Variants in RBFOX2 observed in about 807,000 individuals in gnomAD.
RBFOX2 encodes the protein RNA binding fox-1 homolog 2, also known as RNA binding protein fox-1 homolog 2.
In RBFOX2, 10 loss-of-function variants were observed where a neutral mutation model predicts 49.1. That is an observed-to-expected ratio of 0.20 (90% CI 0.13 to 0.35). The LOEUF is 0.35. Ranked by LOEUF, RBFOX2 falls within the 10% of genes least tolerant of loss-of-function variation. The probability of loss-of-function intolerance (pLI) is 1.00; values close to 1 mark genes in which losing one functional copy is unlikely to be tolerated. For missense variants in RBFOX2, 323 were observed against 486.9 expected (o/e 0.66, Z 3.17); for synonymous variants, 183 against 187.4 (o/e 0.98, Z 0.19).
At chr22:35,975,309 C>T (rs1458222991) in intron 1 of RBFOX2, among the ~76,000 whole-genome samples, 1 of 152,128 alleles carries the variant, frequency 6.6e-6, no homozygotes, top group Non-Finnish European at 1.5e-5. Context: ...GGAGAAAAAG[C>T]TTTGTTCACC....
intron 1 of RBFOX2, among the ~76,000 whole-genome samples, chr22:35,970,574 T>C (rs564700674): frequency 1.3e-4 from 19 of 151,710 alleles, no homozygotes; most frequent in South Asian, 4.2e-4. Context: ...GGTAGGAGGA[T>C]TGCTTGAGCC....
At chr22:35,955,833 C>T (rs1054895591) in intron 1 of RBFOX2, among the ~76,000 whole-genome samples, 4 of 152,154 alleles carry the variant, frequency 2.6e-5, no homozygotes, top group Non-Finnish European at 5.9e-5. Flanking sequence ...GATTCTCATA[C>T]CTGCTTCTGC....
chr22:35,822,833 T>C (rs1364169236), intron 1 of RBFOX2: 2 of 439,178 alleles, frequency 4.6e-6, no homozygotes, highest in Admixed American at 5.3e-5. Flanking sequence ...TTGTCTTTTT[T>C]TTTTTTTTTG....
At chr22:35,941,468 T>C (rs2053681028), upstream of RBFOX2, among the ~76,000 whole-genome samples, 1 of 152,164 alleles carries the variant, frequency 6.6e-6, no homozygotes, top group South Asian at 2.1e-4. Flanking sequence ...AACACATAGA[T>C]ATTGAATGGG....
chr22:35,750,520 T>C (rs1018470090), intron 9 of RBFOX2: 2 of 1,294,134 alleles, frequency 1.5e-6, no homozygotes, highest in Non-Finnish European at 2.2e-6. Flanking sequence ...CACCCTAATG[T>C]AGGAGGGCAC....
intron 8 of RBFOX2, 82 bp from the exon 10 acceptor site, chr22:35,760,102 T>C: frequency 6.5e-7 from 1 of 1,550,360 alleles, no homozygotes; most frequent in Non-Finnish European, 8.9e-7. Context: ...TATGAACCAA[T>C]TATAGAAAAG....
chr22:35,925,378 T>C (rs1465756216), intron 1 of RBFOX2, among the ~76,000 whole-genome samples: 1 of 151,936 alleles, frequency 6.6e-6, no homozygotes, highest in African/African-American at 2.4e-5. Flanking sequence ...ATTAAAAAAT[T>C]AGCTAGGCGT....
At chr22:35,952,508 T>C (rs1237880425) in intron 1 of RBFOX2, among the ~76,000 whole-genome samples, 1 of 152,192 alleles carries the variant, frequency 6.6e-6, no homozygotes, top group Non-Finnish European at 1.5e-5. Flanking sequence ...ATTCCTCTGA[T>C]CATCACTTCT....
chr22:35,789,249 TAA>T (rs1244611106), intron 2 of RBFOX2, among the ~76,000 whole-genome samples: 2 of 152,038 alleles, frequency 1.3e-5, no homozygotes, highest in African/African-American at 4.8e-5. Context: ...GAATTGTGGA[TAA>T]GAGACCGTAG....
chr22:35,984,068 G>C (rs999595458), intron 1 of RBFOX2, among the ~76,000 whole-genome samples: 1 of 151,682 alleles, frequency 6.6e-6, no homozygotes, highest in African/African-American at 2.4e-5. Flanking sequence ...TGACCTCTTG[G>C]GGATCCCTCC....
chr22:35,944,798 A>T (rs953105311), intron 1 of RBFOX2, among the ~76,000 whole-genome samples: 1 of 152,114 alleles, frequency 6.6e-6, no homozygotes, highest in Non-Finnish European at 1.5e-5. Context: ...AAATCTGGCC[A>T]GCCGCGGCGG....
intron 4 of RBFOX2, among the ~76,000 whole-genome samples, chr22:35,771,399 T>C (rs147878282): frequency 3.7e-4 from 57 of 152,200 alleles, no homozygotes; most frequent in African/African-American, 1.1e-3. Context: ...CTCTAGAAGA[T>C]AGAAAAGGGG....
At chr22:35,923,666 C>T (rs895606500) in intron 1 of RBFOX2, among the ~76,000 whole-genome samples, 1 of 152,178 alleles carries the variant, frequency 6.6e-6, no homozygotes, top group Non-Finnish European at 1.5e-5. Context: ...TCTCAGGAAA[C>T]TGCAAATCTT....
chr22:35,841,883 T>A (rs970253), upstream of RBFOX2, among the ~76,000 whole-genome samples: 137,036 of 152,228 alleles, frequency 0.9, 61,973 homozygotes, highest in East Asian at 1. Flanking sequence ...CAACATGCAG[T>A]ACCAGGCTTT....
chr22:35,770,453 T>C (rs1942356420), intron 4 of RBFOX2, among the ~76,000 whole-genome samples: 1 of 152,138 alleles, frequency 6.6e-6, no homozygotes, highest in South Asian at 2.1e-4. Context: ...CTAGTTTTTC[T>C]TCTTAAATAT....
At chr22:35,893,412 G>A (rs1028099017) in intron 1 of RBFOX2, among the ~76,000 whole-genome samples, 2 of 152,172 alleles carry the variant, frequency 1.3e-5, no homozygotes, top group African/African-American at 4.8e-5. Flanking sequence ...TCAAACATAA[G>A]TGAGTGAAAA....
At chr22:36,025,903 T>C (rs958585523) in intron 1 of RBFOX2, among the ~76,000 whole-genome samples, 12 of 151,972 alleles carry the variant, frequency 7.9e-5, no homozygotes, top group Non-Finnish European at 1.3e-4. Context: ...TTCAGCTAGT[T>C]GAAGGCAGGG....
chr22:35,785,148 C>T (rs528199882), intron 2 of RBFOX2, among the ~76,000 whole-genome samples: 3 of 152,264 alleles, frequency 2.0e-5, no homozygotes, highest in South Asian at 4.1e-4. Context: ...CAGGTACGCA[C>T]CATCACACCC....
chr22:35,787,544 G>A (rs762282587), intron 2 of RBFOX2, among the ~76,000 whole-genome samples: 4 of 152,066 alleles, frequency 2.6e-5, no homozygotes, highest in Non-Finnish European at 2.9e-5. Context: ...CTATATTAAC[G>A]TACTTAAATG....
Sources: allele counts gnomAD v4.1 joint callset (sites outside exome capture counted in the v4.1 genomes callset), GRCh38; gene constraint gnomAD v4.1.1; transcripts MANE v1.5; gene names NCBI Gene and HGNC (gene_info 2026-07-23, HGNC 2026-07-21).